GALNT18: variants seen among roughly 807,000 people sequenced by gnomAD.
GALNT18 encodes polypeptide N-acetylgalactosaminyltransferase 18.
Under a neutral mutation model 69.5 loss-of-function variants are expected in GALNT18, and 44 were observed. The ratio of observed to expected loss-of-function variants is 0.63; its 90% CI spans 0.50 to 0.81. GALNT18 has a LOEUF of 0.81. Among genes scored for constraint, GALNT18 ranks in the 40% least tolerant of loss-of-function variants. The pLI, the probability that GALNT18 is intolerant of heterozygous loss-of-function variation, is 0.00. For missense variants in GALNT18, 715 were observed against 810.0 expected (o/e 0.88, Z 1.42); for synonymous variants, 364 against 318.2 (o/e 1.14, Z -1.53).
chr11:11,525,632 C>CTTTTTT (rs33938067), intron 1 of GALNT18, among the ~76,000 whole-genome samples: 2 of 118,660 alleles, frequency 1.7e-5, no homozygotes, highest in Non-Finnish European at 3.3e-5. Flanking sequence ...GTGCATATTA[C>CTTTTTT]TTTTTTTTTT....
chr11:11,451,699 C>T (rs575059923), intron 1 of GALNT18, among the ~76,000 whole-genome samples: 1 of 152,226 alleles, frequency 6.6e-6, no homozygotes, highest in South Asian at 2.1e-4. Context: ...GCTGGACTGC[C>T]AGCTCCTAGC....
intron 6 of GALNT18, among the ~76,000 whole-genome samples, chr11:11,357,564 C>T (rs1201937326): frequency 6.6e-6 from 1 of 152,202 alleles, no homozygotes; most frequent in African/African-American, 2.4e-5. Context: ...GTGTCTAATG[C>T]CTTTTCTCCA....
chr11:11,295,191 T>C (rs1001562212), intron 9 of GALNT18, among the ~76,000 whole-genome samples: 1 of 152,090 alleles, frequency 6.6e-6, no homozygotes, highest in African/African-American at 2.4e-5. Context: ...CTCTTTAGGC[T>C]CTTGGGAGGG....
At position 11,497,370 on chromosome 11, in the gene GALNT18, A is replaced by ACACACACACACACAC. The variant is rs1388394076; in HGVS notation, c.236-48435_236-48434insGTGTGTGTGTGTGTG. 7.4e-6 allele frequency among the ~76,000 whole-genome samples: 1 copy of ACACACACACACACAC among 134,622 alleles called. No individual in the cohort carries two copies. The highest frequency in any genetic ancestry group is 1.6e-5 in the Non-Finnish European group (1 of 63,850). The allele number at this position is 134,622 out of a possible 152,430, so 88.3% of individuals were successfully genotyped here. ...CACACACACACACACACACACACAC[A>ACACACACACACACAC]CCCCTTAGAATGGGGCTCCTTAAGA... On this transcript the variant is annotated intron_variant, in intron 1 of 10. Transcript: ENST00000227756. The surrounding 1 kb of genome is among the most constrained non-coding windows in gnomAD (Gnocchi z 4.2).
chr11:11,331,709 G>T (rs1042179405), intron 8 of GALNT18, among the ~76,000 whole-genome samples: 2 of 152,126 alleles, frequency 1.3e-5, no homozygotes, highest in African/African-American at 4.8e-5. Context: ...GTGAGCTTGT[G>T]AAAAATCACT....
chr11:11,294,111 G>T (rs2133007215), intron 9 of GALNT18, among the ~76,000 whole-genome samples: 1 of 151,686 alleles, frequency 6.6e-6, no homozygotes, highest in East Asian at 1.9e-4. Context: ...TATGATTTAT[G>T]ACAGCAAAAG....
chr11:11,288,284 A>G (rs1294985497), intron 10 of GALNT18, among the ~76,000 whole-genome samples: 1 of 152,182 alleles, frequency 6.6e-6, no homozygotes, highest in Non-Finnish European at 1.5e-5. Flanking sequence ...ACAACAGACA[A>G]TGGATTCCTA....
chr11:11,414,277 T>C (rs1370001227), intron 3 of GALNT18, among the ~76,000 whole-genome samples: 4 of 152,234 alleles, frequency 2.6e-5, no homozygotes, highest in African/African-American at 9.6e-5. Context: ...TGCATACTTT[T>C]GTTTGTTGAA....
chr11:11,332,632 T>C lies in GALNT18; in HGVS notation c.1416+62A>G. Reference sequence around the variant, plus strand: ...GAGAGGCTCTTTCCCTCCTCTCCCTTTCTTCACTATGTTTCTTTCTGTCTG... The same window carrying C: ...GAGAGGCTCTTTCCCTCCTCTCCCTCTCTTCACTATGTTTCTTTCTGTCTG... On this transcript the variant is annotated intron_variant, in intron 8 of 10. Transcript: ENST00000227756. The surrounding 1 kb of genome is among the most constrained non-coding windows in gnomAD (Gnocchi z 4.3). 1 of 1,588,694 alleles carries C rather than the reference T, an allele frequency of 6.3e-7. No individual in the cohort carries two copies. Among genetic ancestry groups the C allele is most frequent in the Non-Finnish European group, 8.6e-7 (1 of 1,158,832 alleles).
At chr11:11,298,787 C>T (rs1302198784) in intron 9 of GALNT18, among the ~76,000 whole-genome samples, 1 of 152,200 alleles carries the variant, frequency 6.6e-6, no homozygotes, top group Non-Finnish European at 1.5e-5. Flanking sequence ...TTTCTTTGAA[C>T]AACAGGTTAT....
Position 11,271,269 on chromosome 11 carries a change from T to G in GALNT18, c.1699A>C (p.Lys567Gln). The G allele has an allele frequency of 6.2e-7, 1 of 1,613,992 alleles. No homozygotes were observed. Among genetic ancestry groups the G allele is most frequent in the East Asian group, 2.2e-5 (1 of 44,870 alleles). ...TGCAGCTCCAGACAGCGCTTAGACT[T>G]GCGGTTCTGGATGGGTCCTCCCTAG... is the stretch of plus-strand genomic sequence containing the variant. ...FSQGGPIQNR[K>Q]SKRCLELQEN... is the part of the protein sequence containing the mutation. The change falls in exon 11 of 11, where the codon AAG (lysine) becomes CAG (glutamine). Residue 567 changes from lysine (K) to glutamine (Q), a missense_variant. Lys to Gln is a moderately conservative substitution (Grantham distance 53). Coordinates refer to ENST00000227756, the MANE Select transcript of GALNT18 (RefSeq NM_198516.3).
At chr11:11,311,742 A>G (rs1356610386) in intron 9 of GALNT18, among the ~76,000 whole-genome samples, 1 of 152,214 alleles carries the variant, frequency 6.6e-6, no homozygotes, top group Non-Finnish European at 1.5e-5. Flanking sequence ...CCAGGTCGCC[A>G]TAAAAATATA....
intron 1 of GALNT18, among the ~76,000 whole-genome samples, chr11:11,508,552 G>T (rs1249743369): frequency 1.3e-5 from 2 of 152,158 alleles, no homozygotes; most frequent in Non-Finnish European, 2.9e-5. Context: ...TTACTCCAAG[G>T]CCATGTGAAT....
intron 1 of GALNT18, among the ~76,000 whole-genome samples, chr11:11,567,569 T>C (rs1159714943): frequency 2.0e-5 from 3 of 152,202 alleles, no homozygotes; most frequent in Non-Finnish European, 2.9e-5. Context: ...TCTTAAAGCA[T>C]TGTTCGTCAG....
intron 10 of GALNT18, among the ~76,000 whole-genome samples, chr11:11,278,829 C>A (rs115662527): frequency 6.6e-6 from 1 of 152,076 alleles, no homozygotes; most frequent in Admixed American, 6.5e-5. Flanking sequence ...TTATTGTATA[C>A]TTTAAAATAA....
chr11:11,301,349 T>G (rs1849491092), intron 9 of GALNT18, among the ~76,000 whole-genome samples: 1 of 152,186 alleles, frequency 6.6e-6, no homozygotes, highest in African/African-American at 2.4e-5. Flanking sequence ...GCTGCAGGCC[T>G]CTCTGCAGAC....
At chr11:11,487,085 T>C (rs182340548) in intron 1 of GALNT18, among the ~76,000 whole-genome samples, 1 of 152,330 alleles carries the variant, frequency 6.6e-6, no homozygotes, top group Admixed American at 6.5e-5. Flanking sequence ...TTCCTTTGCA[T>C]CCATAAGCTA....
chr11:11,278,950 A>AT (rs1849007890), intron 10 of GALNT18, among the ~76,000 whole-genome samples: 2 of 152,210 alleles, frequency 1.3e-5, no homozygotes. Context: ...GTATGACAGC[A>AT]TTACATGTAC....
At chr11:11,313,986 A>G (rs149336645) in intron 9 of GALNT18, among the ~76,000 whole-genome samples, 3 of 152,328 alleles carry the variant, frequency 2.0e-5, no homozygotes, top group African/African-American at 7.2e-5. Context: ...TGCTAGGCAC[A>G]TGCAGGTTTG....
Sources: allele counts gnomAD v4.1 joint callset (sites outside exome capture counted in the v4.1 genomes callset), GRCh38; gene constraint gnomAD v4.1.1; non-coding constraint Gnocchi (gnomAD v3.1); transcripts MANE v1.5; gene names NCBI Gene and HGNC (gene_info 2026-07-23, HGNC 2026-07-21).